IFT57: variants seen among roughly 807,000 people sequenced by gnomAD.
IFT57 encodes intraflagellar transport protein 57 homolog.
A neutral mutation model predicts 56.8 loss-of-function variants in IFT57; 59 were observed. The ratio of observed to expected loss-of-function variants is 1.04; its 90% CI spans 0.84 to 1.29. IFT57 has a LOEUF of 1.29. Ranked by LOEUF, IFT57 falls within the 50% of genes most tolerant of loss-of-function variation. The probability of loss-of-function intolerance (pLI) is 0.00; values close to 1 mark genes in which losing one functional copy is unlikely to be tolerated. For synonymous variants in IFT57, 209 were observed against 186.1 expected (o/e 1.12, Z -1.00); for missense variants, 470 against 522.1 (o/e 0.90, Z 0.97).
At chr3:108,201,819 C>T (rs577710117) in intron 5 of IFT57, among the ~76,000 whole-genome samples, 21 of 152,284 alleles carry the variant, frequency 1.4e-4, no homozygotes, top group African/African-American at 4.6e-4. Flanking sequence ...TTCTTCCTCT[C>T]TTTGATTACA....
At chr3:108,163,587 T>C (rs1468657874) in intron 10 of IFT57, 76 bp downstream of exon 10, 1 of 935,826 alleles carries the variant, frequency 1.1e-6, no homozygotes, top group Non-Finnish European at 1.7e-6. Context: ...ATATTAATAC[T>C]ATTTTGTTAA....
chr3:108,222,410 G>T lies in IFT57; in HGVS notation c.-88C>A, dbSNP rs1406574162. On this transcript the variant is annotated 5_prime_UTR_variant, in exon 1 of 11. Transcript: ENST00000264538. ...GCCCTGCCGCCGCCAGTACAGCCAC[G>T]ACCGGTTACCAGGCGACCACCGGAC... 2 of 1,160,062 alleles carry T rather than the reference G, an allele frequency of 1.7e-6. No homozygotes were observed. The highest frequency in any genetic ancestry group is 1.7e-5 in the South Asian group (1 of 59,698). 71.9% of individuals were successfully genotyped at this position (1,160,062 alleles called of 1,614,324 possible). A position where few individuals can be genotyped will look rare whatever the true frequency, so the allele number is the denominator to read the frequency against.
chr3:108,188,897 T>C (rs1172924303), intron 6 of IFT57, among the ~76,000 whole-genome samples: 1 of 152,170 alleles, frequency 6.6e-6, no homozygotes, highest in Non-Finnish European at 1.5e-5. Flanking sequence ...AGACTTTAAA[T>C]GAGATGTCTG....
At chr3:108,206,096 T>A (rs2080311530) in intron 5 of IFT57, among the ~76,000 whole-genome samples, 1 of 134,372 alleles carries the variant, frequency 7.4e-6, no homozygotes, top group African/African-American at 2.8e-5. Context: ...TAATATATAT[T>A]GATATATAAT....
At chr3:108,204,070 C>T (rs758648203) in intron 5 of IFT57, among the ~76,000 whole-genome samples, 3 of 152,192 alleles carry the variant, frequency 2.0e-5, no homozygotes, top group Non-Finnish European at 2.9e-5. Flanking sequence ...ATCTATGATA[C>T]TAACCTATAT....
intron 1 of IFT57, chr3:108,221,889 G>A: frequency 1.1e-6 from 1 of 871,556 alleles, no homozygotes; most frequent in Non-Finnish European, 1.7e-6. Flanking sequence ...CCTTTCTGCC[G>A]TTCCAAAACT....
At chr3:108,171,592 G>C (rs2080092516) in intron 6 of IFT57, among the ~76,000 whole-genome samples, 1 of 151,702 alleles carries the variant, frequency 6.6e-6, no homozygotes, top group Non-Finnish European at 1.5e-5. Context: ...CACCACCCGT[G>C]ACTATGACTA....
intron 3 of IFT57, among the ~76,000 whole-genome samples, chr3:108,217,966 T>C (rs2080382203): frequency 6.6e-6 from 1 of 150,980 alleles, no homozygotes; most frequent in Non-Finnish European, 1.5e-5. Flanking sequence ...CTAGCAAGAA[T>C]GTCAGAATAG....
intron 6 of IFT57, among the ~76,000 whole-genome samples, chr3:108,169,984 T>C (rs1019292461): frequency 2.0e-5 from 3 of 152,030 alleles, no homozygotes; most frequent in African/African-American, 7.2e-5. Flanking sequence ...AACTTGGTAT[T>C]GATGGAACAT....
chr3:108,169,149 G>A (rs986775983), intron 6 of IFT57, among the ~76,000 whole-genome samples: 1 of 151,976 alleles, frequency 6.6e-6, no homozygotes, highest in African/African-American at 2.4e-5. Flanking sequence ...ATCCTCACTA[G>A]CAGCTGTTGT....
chr3:108,219,479 A>C lies in IFT57; in HGVS notation c.306T>G (p.Phe102Leu), dbSNP rs956650695. 1.2e-6 allele frequency: 2 copies of C among 1,613,830 alleles called. No homozygotes were observed. Among genetic ancestry groups the C allele is most frequent in the East Asian group, 2.2e-5 (1 of 44,892 alleles). The stretch of plus-strand genomic sequence containing the variant: ...GGTCATCATATTCTTGAGGCTGCTC[A>C]AAGGGACGTCCCGCTTTATTAATCA... The part of the protein sequence containing the change: ...AWLINKAGRP[F>L]EQPQEYDDPN... The change falls in exon 2 of 11, where the codon TTT becomes TTG. Residue 102 changes from phenylalanine to leucine, a missense_variant. Physicochemically the swap from Phe to Leu is conservative, Grantham distance 22. Coordinates refer to ENST00000264538, the MANE Select transcript of IFT57 (RefSeq NM_018010.4).
Position 108,222,213 on chromosome 3 carries a change from G to A in IFT57, c.110C>T (p.Ala37Val), listed in dbSNP as rs1235559354. The A allele has an allele frequency of 6.2e-7, 1 of 1,614,074 alleles. No homozygotes were observed. The highest frequency in any genetic ancestry group is 1.6e-4 in the Middle Eastern group (1 of 6,062). Residue 37 changes from alanine (A) to valine (V), a missense_variant, in exon 1 of 11, where the codon GCC (alanine) becomes GTC (valine). By Grantham distance (64) the Ala-to-Val change is moderately conservative. Coordinates refer to ENST00000264538, the MANE Select transcript of IFT57 (RefSeq NM_018010.4). Reference protein sequence around the residue: ...EVVLERGPGAAYHMFVVMEDL... With the variant: ...EVVLERGPGAVYHMFVVMEDL... ...CTCCATCACCACGAACATGTGGTAG[G>A]CCGCGCCGGGCCCCCGCTCCAAGAC...
intron 3 of IFT57, among the ~76,000 whole-genome samples, chr3:108,216,307 A>G (rs1920538): frequency 0.87 from 132,548 of 152,160 alleles, 58,857 homozygotes; most frequent in Non-Finnish European, 0.97. Context: ...TTTTAAAATG[A>G]GCAAAAGATC....
intron 6 of IFT57, among the ~76,000 whole-genome samples, chr3:108,178,899 T>C (rs1301055338): frequency 8.0e-6 from 1 of 125,782 alleles, no homozygotes. Context: ...GAAATTCCAG[T>C]AGAAATGTGT....
chr3:108,217,719 G>T, intron 3 of IFT57, among the ~76,000 whole-genome samples: 1 of 147,438 alleles, frequency 6.8e-6, no homozygotes. Context: ...ACCGAAGTTA[G>T]TTCTAATTAA....
intron 5 of IFT57, among the ~76,000 whole-genome samples, chr3:108,202,931 T>C (rs1576045280): frequency 6.6e-6 from 1 of 152,206 alleles, no homozygotes; most frequent in East Asian, 1.9e-4. Context: ...TAGGCAGACA[T>C]TTAAAATTTA....
At chr3:108,178,949 ATTC>A (rs2080138196) in intron 6 of IFT57, among the ~76,000 whole-genome samples, 1 of 151,724 alleles carries the variant, frequency 6.6e-6, no homozygotes. Context: ...TGCTATGAAA[ATTC>A]TTCTATGTGT....
chr3:108,190,330 C>T (rs1487274954), intron 6 of IFT57, among the ~76,000 whole-genome samples: 1 of 152,082 alleles, frequency 6.6e-6, no homozygotes, highest in Non-Finnish European at 1.5e-5. Flanking sequence ...GCTTTGTGTC[C>T]CCACCCAAAT....
intron 5 of IFT57, among the ~76,000 whole-genome samples, chr3:108,195,630 T>A (rs1305797305): frequency 6.6e-6 from 1 of 152,166 alleles, no homozygotes; most frequent in Non-Finnish European, 1.5e-5. Flanking sequence ...AATGGGATAT[T>A]ATTTAGCCAT....
Sources: allele counts gnomAD v4.1 joint callset (sites outside exome capture counted in the v4.1 genomes callset), GRCh38; gene constraint gnomAD v4.1.1; transcripts MANE v1.5; gene names NCBI Gene and HGNC (gene_info 2026-07-23, HGNC 2026-07-21).